Variants in TENM3 observed in about 807,000 individuals in gnomAD.
The protein encoded by TENM3 is teneurin transmembrane protein 3, also known as teneurin-3.
Under a neutral mutation model 255.1 loss-of-function variants are expected in TENM3, and 63 were observed. The observed-to-expected ratio is 0.25, with a 90% CI of 0.20 to 0.30. The LOEUF is 0.30. TENM3 is among the 10% of genes least tolerant of loss of function. The probability of loss-of-function intolerance (pLI) is 1.00; values close to 1 mark genes in which losing one functional copy is unlikely to be tolerated. For missense variants in TENM3, 2,929 were observed against 3,461.1 expected (o/e 0.85, Z 3.86); for synonymous variants, 1,306 against 1,322.3 (o/e 0.99, Z 0.27).
chr4:181,508,479 T>G, the TENM3 span, among the ~76,000 whole-genome samples: 1 of 152,214 alleles, frequency 6.6e-6, no homozygotes, highest in Non-Finnish European at 1.5e-5. Context: ...TATTTTAAGG[T>G]TGACCATAGG....
At chr4:182,490,246 A>G (rs574999639) in intron 3 of TENM3, among the ~76,000 whole-genome samples, 6 of 152,326 alleles carry the variant, frequency 3.9e-5, no homozygotes, top group Non-Finnish European at 5.9e-5. Context: ...TAGGTATTCA[A>G]ATATTTCAGT....
chr4:182,294,853 A>T (rs893222692), intron 1 of TENM3, among the ~76,000 whole-genome samples: 3 of 152,210 alleles, frequency 2.0e-5, no homozygotes, highest in African/African-American at 7.2e-5. Context: ...GGACAAGCAT[A>T]ATGTATATGC....
the TENM3 span, among the ~76,000 whole-genome samples, chr4:181,706,825 TCCATCGCGGGG>T: frequency 6.6e-6 from 1 of 152,184 alleles, no homozygotes; most frequent in Non-Finnish European, 1.5e-5. Context: ...CTGGATTTTC[TCCATCGCGGGG>T]CCGTCTTAAG....
the TENM3 span, among the ~76,000 whole-genome samples, chr4:182,015,198 C>G: frequency 1.3e-5 from 2 of 152,174 alleles, no homozygotes; most frequent in Non-Finnish European, 2.9e-5. Context: ...CTCGGGTACT[C>G]CTGTGCGAGC....
chr4:182,273,436 G>A lies in TENM3; in HGVS notation c.-76+29960G>A, dbSNP rs142921492. Among the ~76,000 whole-genome samples the A allele has an allele frequency of 1.6e-3, 245 of 152,288 alleles. 1 individual carries two copies. The highest frequency in any genetic ancestry group is 5.5e-3 in the African/African-American group (230 of 41,564). Reference sequence around the variant, plus strand: ...TTGAAAGACAGATAATTCACTTGGGGGAATTCACCCCAAGAAGCCTGATTA... The same window carrying A: ...TTGAAAGACAGATAATTCACTTGGGAGAATTCACCCCAAGAAGCCTGATTA... On this transcript the variant is annotated intron_variant, in intron 1 of 27. Transcript: ENST00000511685.
the TENM3 span, among the ~76,000 whole-genome samples, chr4:182,051,578 C>T: frequency 6.6e-6 from 1 of 151,888 alleles, no homozygotes; most frequent in East Asian, 2.0e-4. Flanking sequence ...GGGGTTTCAC[C>T]ATGTTGGTCA....
At chr4:182,240,327 G>A (rs1204381215), upstream of TENM3, among the ~76,000 whole-genome samples, 1 of 152,152 alleles carries the variant, frequency 6.6e-6, no homozygotes, top group Non-Finnish European at 1.5e-5. Context: ...CAGCAAGTAG[G>A]AGAGAGACAC....
Position 182,799,651 on chromosome 4 carries a change from T to G in TENM3, c.7400T>G (p.Leu2467Arg). Residue 2467 changes from leucine to arginine, a missense_variant, in exon 28 of 28, where the codon CTG becomes CGG. Transcript: ENST00000511685. This position sits in a 1 kb window ranked among gnomAD's most constrained non-coding sequence, Gnocchi z 4.2. ...CGGCAGGCCAAGGCCTTCCTGTCGC[T>G]GGGGAAGATGGCCGAGGTGCAGGTG... ...VARQAKAFLS[L>R]GKMAEVQVSR... 2.6e-6 allele frequency: 4 copies of G among 1,547,628 alleles called. No individual in the cohort carries two copies. Among genetic ancestry groups the G allele is most frequent in the Non-Finnish European group, 3.5e-6 (4 of 1,146,628 alleles).
the TENM3 span, among the ~76,000 whole-genome samples, chr4:181,945,071 A>C: frequency 6.6e-6 from 1 of 151,934 alleles, no homozygotes; most frequent in Non-Finnish European, 1.5e-5. Context: ...TGATGAAATT[A>C]AAGGGAAACT....
At chr4:182,474,890 TCG>T (rs1357487653) in intron 3 of TENM3, among the ~76,000 whole-genome samples, 1 of 152,140 alleles carries the variant, frequency 6.6e-6, no homozygotes, top group East Asian at 1.9e-4. Context: ...CTTCCCATTA[TCG>T]CTGCTCCCTA....
At chr4:182,423,266 G>A (rs781439905) in intron 3 of TENM3, among the ~76,000 whole-genome samples, 3 of 152,108 alleles carry the variant, frequency 2.0e-5, no homozygotes, top group Non-Finnish European at 4.4e-5. Context: ...TAGGACTTTA[G>A]GAAGAGAGGT....
At chr4:182,263,198 C>G (rs948895718) in intron 1 of TENM3, among the ~76,000 whole-genome samples, 2 of 151,944 alleles carry the variant, frequency 1.3e-5, no homozygotes, top group African/African-American at 4.8e-5. Context: ...TAACGTCTTG[C>G]GAACCACAAA....
At chr4:182,027,571 CT>C in the TENM3 span, among the ~76,000 whole-genome samples, 1 of 149,114 alleles carries the variant, frequency 6.7e-6, no homozygotes, top group African/African-American at 2.4e-5. Flanking sequence ...AAAGGCTTTC[CT>C]TTTTTTTTTC....
chr4:182,585,504 C>A (rs1042852350), intron 3 of TENM3, among the ~76,000 whole-genome samples: 1 of 152,176 alleles, frequency 6.6e-6, no homozygotes, highest in Non-Finnish European at 1.5e-5. Flanking sequence ...GGGCTTTGCT[C>A]TCCTGCATTG....
At chr4:182,186,056 C>T (rs930136641) in intron 1 of TENM3, among the ~76,000 whole-genome samples, 8 of 151,962 alleles carry the variant, frequency 5.3e-5, no homozygotes, top group Admixed American at 4.6e-4. Flanking sequence ...TATATGGAAA[C>T]TGAAATGGGA....
At chr4:182,379,402 G>C (rs1178124811) in intron 3 of TENM3, among the ~76,000 whole-genome samples, 1 of 152,154 alleles carries the variant, frequency 6.6e-6, no homozygotes, top group Non-Finnish European at 1.5e-5. Context: ...GCATAAAAAT[G>C]GGGCAGGGAA....
intron 1 of TENM3, among the ~76,000 whole-genome samples, chr4:182,145,783 A>C (rs1197173047): frequency 6.6e-6 from 1 of 152,210 alleles, no homozygotes; most frequent in Non-Finnish European, 1.5e-5. Context: ...GATGCCCGAG[A>C]ACAGGACTGT....
At chr4:181,595,923 A>G in the TENM3 span, among the ~76,000 whole-genome samples, 2 of 152,194 alleles carry the variant, frequency 1.3e-5, no homozygotes, top group African/African-American at 4.8e-5. Flanking sequence ...CACTCATGCG[A>G]GAGTGCTCCC....
At chr4:182,276,966 T>G (rs1760044348) in intron 1 of TENM3, among the ~76,000 whole-genome samples, 1 of 152,222 alleles carries the variant, frequency 6.6e-6, no homozygotes, top group African/African-American at 2.4e-5. Context: ...TAATTTTACT[T>G]TCATTAATAT....
Sources: gnomAD v4.1 joint callset for allele counts (sites outside exome capture counted in the v4.1 genomes callset) on GRCh38, gnomAD v4.1.1 for gene constraint, Gnocchi (gnomAD v3.1) non-coding constraint, MANE v1.5 for transcripts, NCBI Gene and HGNC (gene_info 2026-07-23, HGNC 2026-07-21) for gene names.